Variants in CCDC178 observed in about 807,000 individuals in gnomAD.
CCDC178 encodes coiled-coil domain-containing protein 178.
In CCDC178, 126 loss-of-function variants were observed where a neutral mutation model predicts 117.4. That is an observed-to-expected ratio of 1.07 (90% confidence interval 0.93 to 1.24). The LOEUF (loss-of-function observed/expected upper bound fraction) is 1.24. Among genes scored for constraint, CCDC178 ranks in the 50% most tolerant of loss-of-function variants. The pLI is 0.00. For synonymous variants in CCDC178, 283 were observed against 313.4 expected (o/e 0.90, Z 1.02); for missense variants, 1,030 against 986.9 (o/e 1.04, Z -0.59).
chr18:32,999,838 G>A (rs2055595815), intron 21 of CCDC178, among the ~76,000 whole-genome samples: 1 of 152,092 alleles, frequency 6.6e-6, no homozygotes, highest in African/African-American at 2.4e-5. Context: ...AGGTCACAAT[G>A]TCCAAGTCCA....
At chr18:32,986,111 A>C (rs2055257074) in intron 21 of CCDC178, among the ~76,000 whole-genome samples, 1 of 152,108 alleles carries the variant, frequency 6.6e-6, no homozygotes, top group Non-Finnish European at 1.5e-5. Context: ...TGTAATGAAA[A>C]ATTATGAAAA....
chr18:33,248,859 T>C (rs2059581923), intron 14 of CCDC178, among the ~76,000 whole-genome samples: 1 of 152,132 alleles, frequency 6.6e-6, no homozygotes, highest in South Asian at 2.1e-4. Context: ...TCCACAATGG[T>C]TGAACTAGTT....
At chr18:33,300,910 C>G (rs989325037) in intron 11 of CCDC178, among the ~76,000 whole-genome samples, 7 of 152,178 alleles carry the variant, frequency 4.6e-5, no homozygotes, top group Non-Finnish European at 5.9e-5. Context: ...GGCTGCAGAA[C>G]AACCACTTGC....
intron 21 of CCDC178, among the ~76,000 whole-genome samples, chr18:33,069,405 T>C (rs1225656666): frequency 6.6e-6 from 1 of 152,014 alleles, no homozygotes; most frequent in Non-Finnish European, 1.5e-5. Context: ...CTTTCAAAGT[T>C]GCCAGTAACA....
At chr18:32,960,830 ATAAT>A (rs1209100671) in intron 22 of CCDC178, among the ~76,000 whole-genome samples, 11 of 152,160 alleles carry the variant, frequency 7.2e-5, no homozygotes, top group African/African-American at 4.8e-5. Context: ...AATTTTTCTT[ATAAT>A]TAATTTTTTG....
At chr18:32,964,205 G>C (rs562001425) in intron 22 of CCDC178, among the ~76,000 whole-genome samples, 3 of 152,092 alleles carry the variant, frequency 2.0e-5, no homozygotes, top group African/African-American at 7.2e-5. Flanking sequence ...AGGGTGGAAT[G>C]CTGATTTACA....
At chr18:33,133,589 T>A (rs1025789390) in intron 20 of CCDC178, among the ~76,000 whole-genome samples, 2 of 151,922 alleles carry the variant, frequency 1.3e-5, no homozygotes, top group African/African-American at 4.8e-5. Flanking sequence ...CAAATTTTTT[T>A]ATATTTCAAC....
chr18:33,044,290 G>T (rs2056603194), intron 21 of CCDC178, among the ~76,000 whole-genome samples: 1 of 152,002 alleles, frequency 6.6e-6, no homozygotes. Context: ...TGGATTGGAA[G>T]AATCAGCATC....
intron 20 of CCDC178, among the ~76,000 whole-genome samples, chr18:33,179,930 G>A (rs1333920191): frequency 6.6e-6 from 1 of 151,876 alleles, no homozygotes; most frequent in Non-Finnish European, 1.5e-5. Context: ...TTTTCTGGCA[G>A]AAAGTTTTTC....
At chr18:32,953,456 G>C (rs767407460) in intron 22 of CCDC178, among the ~76,000 whole-genome samples, 31 of 152,052 alleles carry the variant, frequency 2.0e-4, no homozygotes, top group Non-Finnish European at 4.4e-4. Flanking sequence ...CTTCCAAACT[G>C]TTCCAACCTC....
Position 32,937,809 on chromosome 18 carries a change from A to G in CCDC178, c.*202T>C, listed in dbSNP as rs1164871573. 1 of 541,908 alleles carries G rather than the reference A, an allele frequency of 1.8e-6. No homozygotes were observed. Among genetic ancestry groups the G allele is most frequent in the Non-Finnish European group, 3.3e-6 (1 of 303,152 alleles). 33.6% of individuals were successfully genotyped at this position (541,908 alleles called of 1,614,324 possible). A position where few individuals can be genotyped will look rare whatever the true frequency, so the allele number is the denominator to read the frequency against. On this transcript the variant is annotated 3_prime_UTR_variant, in exon 23 of 23. Coordinates refer to ENST00000383096, the MANE Select transcript of CCDC178 (RefSeq NM_001105528.4). Reference sequence around the variant, plus strand: ...CAGAGCTGAAATTAGATCGTTCCTGACAGCAGCATGAAAGTCACCTGTTTC... The same window carrying G: ...CAGAGCTGAAATTAGATCGTTCCTGGCAGCAGCATGAAAGTCACCTGTTTC...
intron 20 of CCDC178, among the ~76,000 whole-genome samples, chr18:33,169,916 A>G (rs2058578102): frequency 1.3e-5 from 2 of 152,160 alleles, no homozygotes; most frequent in Non-Finnish European, 2.9e-5. Context: ...TCACCAGCTT[A>G]CATAGCAAGC....
intron 20 of CCDC178, among the ~76,000 whole-genome samples, chr18:33,098,082 A>G (rs1171949508): frequency 6.6e-6 from 1 of 152,066 alleles, no homozygotes; most frequent in African/African-American, 2.4e-5. Context: ...CTTATCCTGG[A>G]CAAAGTTTAA....
At chr18:33,126,831 T>C (rs2058010561) in intron 20 of CCDC178, among the ~76,000 whole-genome samples, 2 of 151,992 alleles carry the variant, frequency 1.3e-5, no homozygotes, top group African/African-American at 4.8e-5. Context: ...TAATTTTTTG[T>C]ATTTTTAGTA....
At chr18:33,037,718 T>C (rs1464223770) in intron 21 of CCDC178, among the ~76,000 whole-genome samples, 1 of 151,926 alleles carries the variant, frequency 6.6e-6, no homozygotes, top group East Asian at 1.9e-4. Flanking sequence ...ACCAAGAGTA[T>C]GGGTATATTT....
chr18:33,405,048 C>G (rs2063761754), intron 3 of CCDC178, among the ~76,000 whole-genome samples: 1 of 151,904 alleles, frequency 6.6e-6, no homozygotes. Context: ...AATGGCCACA[C>G]AAACTTATAC....
At chr18:33,373,550 T>C (rs1288897900) in intron 5 of CCDC178, among the ~76,000 whole-genome samples, 1 of 152,144 alleles carries the variant, frequency 6.6e-6, no homozygotes, top group East Asian at 1.9e-4. Flanking sequence ...TATATACAAA[T>C]ATTAAGATCC....
chr18:33,190,491 A>G (rs888533800), intron 20 of CCDC178, among the ~76,000 whole-genome samples: 1 of 152,156 alleles, frequency 6.6e-6, no homozygotes, highest in Non-Finnish European at 1.5e-5. Context: ...CTTCCTTTCT[A>G]TAATTTTGTT....
intron 3 of CCDC178, among the ~76,000 whole-genome samples, chr18:33,398,078 C>G (rs1328758624): frequency 6.6e-6 from 1 of 151,898 alleles, no homozygotes; most frequent in South Asian, 2.1e-4. Context: ...TAAAAATGAG[C>G]AATAATATCA....
Sources: allele counts gnomAD v4.1 joint callset (sites outside exome capture counted in the v4.1 genomes callset), GRCh38; gene constraint gnomAD v4.1.1; transcripts MANE v1.5; gene names NCBI Gene and HGNC (gene_info 2026-07-23, HGNC 2026-07-21).